TMEM132C: variants seen among roughly 807,000 people sequenced by gnomAD.
The protein encoded by TMEM132C is protein phosphatase 1, regulatory subunit 152.
TMEM132C carries 29 observed loss-of-function variants against 61.4 expected under a neutral mutation model. That is an observed-to-expected ratio of 0.47 (90% CI 0.35 to 0.64). The LOEUF is 0.64. Ranked by LOEUF, TMEM132C falls within the 30% of genes least tolerant of loss-of-function variation. The pLI is 0.00. For missense variants in TMEM132C, 1,408 were observed against 1,476.9 expected, an observed-to-expected ratio of 0.95 and a Z score of 0.76; for synonymous variants, 656 against 633.1, an observed-to-expected ratio of 1.04 and a Z score of -0.54.
chr12:128,658,463 T>C (rs116205552), intron 4 of TMEM132C, among the ~76,000 whole-genome samples: 1,536 of 152,224 alleles, frequency 0.01, 24 homozygotes, highest in African/African-American at 0.036. Flanking sequence ...CCTGCTGGGA[T>C]GTTTCCCCAA....
chr12:128,685,099 C>T (rs771204267), intron 5 of TMEM132C, among the ~76,000 whole-genome samples: 5 of 152,156 alleles, frequency 3.3e-5, no homozygotes, highest in Non-Finnish European at 5.9e-5. Flanking sequence ...CTCCTAAATC[C>T]GGGCTCAGGG....
chr12:128,387,323 C>T (rs146069804), intron 1 of TMEM132C, among the ~76,000 whole-genome samples: 4 of 152,084 alleles, frequency 2.6e-5, no homozygotes, highest in Non-Finnish European at 5.9e-5. Context: ...TGCCCCAGAT[C>T]TGGGGCTTCT....
At position 128,527,478 on chromosome 12, in the gene TMEM132C, G is replaced by A. The variant is rs138497394; in HGVS notation, c.975-16479G>A. 7.7e-4 allele frequency among the ~76,000 whole-genome samples: 118 copies of A among 152,324 alleles called. 1 individual carries two copies. The highest frequency in any genetic ancestry group is 3.4e-3 in the Middle Eastern group (1 of 294). On this transcript the variant is annotated intron_variant, in intron 2 of 8. Transcript: ENST00000435159. ...ATCTTCCCCCTGCCAAAGCTCCTCC[G>A]TGCCTGGCCACTGAGTCTCTCAAGG... is the stretch of plus-strand genomic sequence containing the variant.
intron 1 of TMEM132C, among the ~76,000 whole-genome samples, chr12:128,365,255 G>T (rs145386403): frequency 6.6e-6 from 1 of 152,144 alleles, no homozygotes; most frequent in African/African-American, 2.4e-5. Flanking sequence ...AAAATGGAAC[G>T]GTCCAAGTGC....
chr12:128,416,407 A>T (rs946891468), intron 2 of TMEM132C, among the ~76,000 whole-genome samples: 8 of 152,226 alleles, frequency 5.3e-5, no homozygotes, highest in African/African-American at 1.9e-4. Context: ...CTAGAATGTC[A>T]TAATAATGAA....
chr12:128,429,889 G>A (rs989018662), intron 2 of TMEM132C, among the ~76,000 whole-genome samples: 13 of 152,110 alleles, frequency 8.5e-5, no homozygotes, highest in South Asian at 4.1e-4. Context: ...CCACTGCTCC[G>A]TATCTCAGAT....
intron 4 of TMEM132C, among the ~76,000 whole-genome samples, chr12:128,628,025 C>A (rs1345639274): frequency 6.6e-6 from 1 of 152,186 alleles, no homozygotes; most frequent in Non-Finnish European, 1.5e-5. Flanking sequence ...CTCCCCAGGC[C>A]TGCCGCACAC....
At chr12:128,651,060 G>A (rs780893328) in intron 4 of TMEM132C, among the ~76,000 whole-genome samples, 3 of 152,094 alleles carry the variant, frequency 2.0e-5, no homozygotes, top group South Asian at 4.1e-4. Context: ...CCTGAGCCTC[G>A]CCCAGATTTC....
At chr12:128,444,996 G>A (rs1869927774) in intron 2 of TMEM132C, among the ~76,000 whole-genome samples, 1 of 152,100 alleles carries the variant, frequency 6.6e-6, no homozygotes, top group Non-Finnish European at 1.5e-5. Context: ...GGGCTTTCCC[G>A]CCGTTGGGGT....
chr12:128,365,660 C>G (rs1193723495), intron 1 of TMEM132C, among the ~76,000 whole-genome samples: 1 of 152,198 alleles, frequency 6.6e-6, no homozygotes, highest in East Asian at 1.9e-4. Context: ...CCGGTTCCAG[C>G]AGGAGCTGTG....
intron 4 of TMEM132C, among the ~76,000 whole-genome samples, chr12:128,663,940 TCACA>T (rs1345244683): frequency 4.8e-5 from 4 of 84,166 alleles, no homozygotes; most frequent in Non-Finnish European, 9.3e-5. Context: ...ACGCGGACAC[TCACA>T]CAGGCACACA....
intron 1 of TMEM132C, among the ~76,000 whole-genome samples, chr12:128,335,582 A>C (rs990338168): frequency 6.6e-6 from 1 of 152,228 alleles, no homozygotes; most frequent in Non-Finnish European, 1.5e-5. Context: ...TTTGATTATC[A>C]TTGTAGCTCA....
At chr12:128,322,068 T>G (rs1872352956) in intron 1 of TMEM132C, among the ~76,000 whole-genome samples, 1 of 152,240 alleles carries the variant, frequency 6.6e-6, no homozygotes, top group South Asian at 2.1e-4. Flanking sequence ...TAGAAACTAT[T>G]TTCCGTCCTC....
intron 3 of TMEM132C, among the ~76,000 whole-genome samples, chr12:128,563,852 C>T (rs997618150): frequency 5.3e-5 from 8 of 152,152 alleles, no homozygotes; most frequent in African/African-American, 1.7e-4. Flanking sequence ...ACAGATTGGT[C>T]GGCTTAACCC....
At chr12:128,466,369 A>G (rs1018377015) in intron 2 of TMEM132C, among the ~76,000 whole-genome samples, 1 of 152,222 alleles carries the variant, frequency 6.6e-6, no homozygotes, top group Admixed American at 6.5e-5. Context: ...CTTATATAAA[A>G]TTTACATTTT....
chr12:128,315,376 C>T (rs938362700), intron 1 of TMEM132C, among the ~76,000 whole-genome samples: 1 of 152,094 alleles, frequency 6.6e-6, no homozygotes, highest in Admixed American at 6.6e-5. Flanking sequence ...AGTGTCAGGG[C>T]CACACAGTTG....
At chr12:128,514,540 G>A (rs939828363) in intron 2 of TMEM132C, among the ~76,000 whole-genome samples, 15 of 152,186 alleles carry the variant, frequency 9.9e-5, no homozygotes, top group Non-Finnish European at 1.9e-4. Flanking sequence ...GTGCGGGGGC[G>A]ACGCAATTTG....
intron 2 of TMEM132C, among the ~76,000 whole-genome samples, chr12:128,522,295 C>T (rs1020838960): frequency 2.6e-5 from 4 of 152,150 alleles, no homozygotes; most frequent in African/African-American, 9.7e-5. Flanking sequence ...AGGAGCCACA[C>T]GATTCCATTT....
chr12:128,616,279 G>A lies in TMEM132C; in HGVS notation c.1249G>A (p.Val417Met), dbSNP rs529154677. Residue 417 changes from valine to methionine, a missense_variant, in exon 4 of 9, where the codon GTG becomes ATG. Val to Met is a conservative substitution (Grantham distance 21). Coordinates refer to ENST00000435159, the MANE Select transcript of TMEM132C (RefSeq NM_001136103.3). ...ACGGAAGGGGACCACAGACATCGCC[G>A]TGTCCGAGATCTTTGTCAGCCAGAA... ...YPRKGTTDIAVSEIFVSQKDL... is the reference protein window; with the variant it reads ...YPRKGTTDIAMSEIFVSQKDL... The A allele has an allele frequency of 1.2e-4, 190 of 1,551,880 alleles. 1 individual carries two copies. In the Admixed American group the frequency reaches 1.8e-3, roughly 15 times the overall value.
Sources: gnomAD v4.1 joint callset for allele counts (sites outside exome capture counted in the v4.1 genomes callset) on GRCh38, gnomAD v4.1.1 for gene constraint, MANE v1.5 for transcripts, NCBI Gene and HGNC (gene_info 2026-07-23, HGNC 2026-07-21) for gene names.